Variants in PDE1A observed in about 807,000 individuals in gnomAD.
PDE1A encodes the protein dual specificity calcium/calmodulin-dependent 3',5'-cyclic nucleotide phosphodiesterase 1A.
In PDE1A, 35 loss-of-function variants were observed where a neutral mutation model predicts 61.7. The observed-to-expected ratio is 0.57, with a 90% CI of 0.43 to 0.75. The LOEUF (loss-of-function observed/expected upper bound fraction) is 0.75, where lower values mean the gene tolerates loss of function less well. Among genes scored for constraint, PDE1A ranks in the 30% least tolerant of loss-of-function variants. PDE1A has a pLI of 0.00. For missense variants in PDE1A, 597 were observed against 630.6 expected (o/e 0.95, Z 0.57); for synonymous variants, 232 against 213.2 (o/e 1.09, Z -0.77).
intron 1 of PDE1A, among the ~76,000 whole-genome samples, chr2:182,422,763 G>A (rs1460423375): frequency 6.6e-6 from 1 of 152,048 alleles, no homozygotes; most frequent in Admixed American, 6.6e-5. Flanking sequence ...TGGGAATATA[G>A]AAACAAAGGT....
At chr2:182,359,876 C>G (rs1400751308) in intron 1 of PDE1A, among the ~76,000 whole-genome samples, 1 of 152,084 alleles carries the variant, frequency 6.6e-6, no homozygotes, top group Admixed American at 6.6e-5. Flanking sequence ...TTGAGATTGC[C>G]AAGGAATGAC....
chr2:182,168,122 T>C, exon 14 of PDE1A: 1 of 1,419,754 alleles, frequency 7.0e-7, no homozygotes, highest in Non-Finnish European at 9.2e-7. Context: ...TATTGAGCAA[T>C]CTGCAAAAAT....
the PDE1A span, among the ~76,000 whole-genome samples, chr2:182,563,969 C>G: frequency 6.6e-6 from 1 of 152,066 alleles, no homozygotes; most frequent in Non-Finnish European, 1.5e-5. Flanking sequence ...AGATGGGTTT[C>G]CTGAATACAG....
At chr2:182,320,798 T>C (rs1696648747) in intron 1 of PDE1A, among the ~76,000 whole-genome samples, 1 of 152,210 alleles carries the variant, frequency 6.6e-6, no homozygotes, top group African/African-American at 2.4e-5. Flanking sequence ...TGATGGTTTA[T>C]AATAGCAAAT....
intron 1 of PDE1A, among the ~76,000 whole-genome samples, chr2:182,396,809 T>C (rs1701730170): frequency 6.6e-6 from 1 of 152,206 alleles, no homozygotes; most frequent in Non-Finnish European, 1.5e-5. Flanking sequence ...TTTCAGGAGA[T>C]GTATATGGGT....
chr2:182,301,672 G>A (rs924846638), intron 1 of PDE1A, among the ~76,000 whole-genome samples: 3 of 152,216 alleles, frequency 2.0e-5, no homozygotes, highest in Non-Finnish European at 2.9e-5. Flanking sequence ...TCATAATGAT[G>A]AGAAAGAAGT....
chr2:182,280,092 A>C (rs931785491), intron 1 of PDE1A, among the ~76,000 whole-genome samples: 16 of 151,982 alleles, frequency 1.1e-4, no homozygotes, highest in Non-Finnish European at 8.8e-5. Context: ...TACAGTGTTC[A>C]TTACATAGCT....
the PDE1A span, among the ~76,000 whole-genome samples, chr2:182,674,796 T>C: frequency 6.6e-6 from 1 of 152,118 alleles, no homozygotes; most frequent in African/African-American, 2.4e-5. Flanking sequence ...ACATCTTTTT[T>C]GTTTTGTTTT....
intron 1 of PDE1A, among the ~76,000 whole-genome samples, chr2:182,397,393 A>T (rs1701767016): frequency 6.6e-6 from 1 of 152,180 alleles, no homozygotes. Context: ...TGATTGTAAA[A>T]CACCATTTAT....
At chr2:182,250,234 A>G (rs187782652) in intron 2 of PDE1A, among the ~76,000 whole-genome samples, 3 of 152,322 alleles carry the variant, frequency 2.0e-5, no homozygotes, top group African/African-American at 7.2e-5. Flanking sequence ...AAGGAGTTTG[A>G]TCTGTCTTGA....
At chr2:182,322,389 G>A (rs1338385670) in intron 1 of PDE1A, among the ~76,000 whole-genome samples, 5 of 152,124 alleles carry the variant, frequency 3.3e-5, no homozygotes, top group Admixed American at 3.3e-4. Context: ...ATGGAAGTGG[G>A]TTTTTCCTGT....
the PDE1A span, among the ~76,000 whole-genome samples, chr2:182,590,203 T>G: frequency 6.6e-6 from 1 of 152,132 alleles, no homozygotes; most frequent in Non-Finnish European, 1.5e-5. Flanking sequence ...TGGTGGCTCA[T>G]GCCTATAATC....
intron 1 of PDE1A, among the ~76,000 whole-genome samples, chr2:182,328,598 T>C (rs1402818253): frequency 6.6e-6 from 1 of 152,136 alleles, no homozygotes; most frequent in African/African-American, 2.4e-5. Flanking sequence ...AGATGCAACT[T>C]GAAGGCTGGA....
the PDE1A span, among the ~76,000 whole-genome samples, chr2:182,576,723 A>G: frequency 2.0e-5 from 3 of 152,128 alleles, no homozygotes; most frequent in African/African-American, 7.2e-5. Flanking sequence ...TCTTGCCAAA[A>G]TCTGTTATTT....
At chr2:182,279,468 GCTTT>G in intron 1 of PDE1A, among the ~76,000 whole-genome samples, 1 of 151,984 alleles carries the variant, frequency 6.6e-6, no homozygotes, top group African/African-American at 2.4e-5. Flanking sequence ...TTAAAATCCT[GCTTT>G]CTTTTTCTTT....
At chr2:182,385,780 C>T (rs1574512721) in intron 1 of PDE1A, among the ~76,000 whole-genome samples, 1 of 42,044 alleles carries the variant, frequency 2.4e-5, no homozygotes, top group African/African-American at 1.2e-4. Context: ...CCTCTCCCTC[C>T]TCTCCCTCTC....
the PDE1A span, among the ~76,000 whole-genome samples, chr2:182,575,233 A>C: frequency 1.3e-5 from 2 of 152,108 alleles, no homozygotes; most frequent in African/African-American, 4.8e-5. Context: ...CCTTAATCAC[A>C]GAGTATGATA....
intron 1 of PDE1A, among the ~76,000 whole-genome samples, chr2:182,345,278 G>A (rs1182450618): frequency 1.3e-5 from 2 of 152,088 alleles, no homozygotes; most frequent in Non-Finnish European, 2.9e-5. Context: ...CTTGGTGAAC[G>A]GTGGCATGTT....
At chr2:182,166,593 C>A (rs1691665078), downstream of PDE1A, among the ~76,000 whole-genome samples, 1 of 152,176 alleles carries the variant, frequency 6.6e-6, no homozygotes, top group African/African-American at 2.4e-5. Flanking sequence ...AAGCCACCAG[C>A]TTTTCTGGCT....
Sources: gnomAD v4.1 joint callset for allele counts (sites outside exome capture counted in the v4.1 genomes callset) on GRCh38, gnomAD v4.1.1 for gene constraint, MANE v1.5 for transcripts, NCBI Gene and HGNC (gene_info 2026-07-23, HGNC 2026-07-21) for gene names.